SBNO1: variants seen among roughly 807,000 people sequenced by gnomAD.
SBNO1 encodes protein strawberry notch homolog 1.
A neutral mutation model predicts 173.6 loss-of-function variants in SBNO1; 23 were observed. The observed-to-expected ratio is 0.13, with a 90% CI of 0.10 to 0.19. SBNO1 has a LOEUF of 0.19. Ranked by LOEUF, SBNO1 falls within the 10% of genes least tolerant of loss-of-function variation. The pLI is 1.00. For synonymous variants in SBNO1, 632 were observed against 571.5 expected, an observed-to-expected ratio of 1.11 and a Z score of -1.51; for missense variants, 1,238 against 1,671.2, an observed-to-expected ratio of 0.74 and a Z score of 4.52.
intron 3 of SBNO1, 120 bp downstream of exon 3, chr12:123,347,909 C>T (rs1428916980): frequency 7.8e-6 from 4 of 515,280 alleles, no homozygotes. Context: ...TCAAGCAATC[C>T]TCCTACCTCA....
intron 7 of SBNO1, 101 bp from the exon 8 acceptor site, chr12:123,331,476 T>C (rs1871199846): frequency 9.4e-7 from 1 of 1,060,712 alleles, no homozygotes; most frequent in Admixed American, 2.6e-5. Flanking sequence ...ATGTTTTTTG[T>C]TTTGTATATG....
At chr12:123,356,447 T>C (rs9739171) in intron 1 of SBNO1, among the ~76,000 whole-genome samples, 6 of 152,008 alleles carry the variant, frequency 3.9e-5, no homozygotes, top group African/African-American at 1.4e-4. Flanking sequence ...GGTTTGTTTG[T>C]TCTTTTGCGA....
chr12:123,290,489 C>G lies in SBNO1; in HGVS notation c.*5419G>C, dbSNP rs1034317598. On this transcript the variant is annotated 3_prime_UTR_variant, in exon 32 of 32. Coordinates refer to ENST00000602398, the MANE Select transcript of SBNO1 (RefSeq NM_001167856.3). ...GCTCAACACCATCATTTTGATGAAC[C>G]ATCCGGGTCTTCCCAACTCGAATTA... The G allele has an allele frequency of 6.6e-6, 1 of 152,130 alleles. No individual in the cohort carries two copies. Among genetic ancestry groups the G allele is most frequent in the Non-Finnish European group, 1.5e-5 (1 of 68,030 alleles). The allele number at this position is 152,130 out of a possible 1,614,324, so 9.4% of individuals were successfully genotyped here. A position where few individuals can be genotyped will look rare whatever the true frequency, so the allele number is the denominator to read the frequency against.
intron 1 of SBNO1, 109 bp downstream of exon 1, chr12:123,364,592 A>C (rs1875904953): frequency 2.0e-6 from 2 of 982,314 alleles, no homozygotes; most frequent in Non-Finnish European, 2.4e-6. Context: ...AGCCGGGGCG[A>C]GGTGGCTGTC....
intron 5 of SBNO1, among the ~76,000 whole-genome samples, chr12:123,339,171 C>G (rs1872243204): frequency 6.6e-6 from 1 of 152,130 alleles, no homozygotes; most frequent in Non-Finnish European, 1.5e-5. Flanking sequence ...GGTTCCCATT[C>G]AAAACCTCAG....
At chr12:123,321,346 T>C (rs1869954724) in intron 17 of SBNO1, among the ~76,000 whole-genome samples, 189 bp downstream of exon 17, 1 of 152,186 alleles carries the variant, frequency 6.6e-6, no homozygotes, top group Admixed American at 6.6e-5. Flanking sequence ...CTGCACAAAA[T>C]TGAGGTTATC....
At chr12:123,304,869 T>A in intron 28 of SBNO1, 150 bp from the exon 29 acceptor site, 1 of 604,522 alleles carries the variant, frequency 1.7e-6, no homozygotes, top group Non-Finnish European at 2.9e-6. Context: ...AATGCTTGTT[T>A]AAAAGACTAA....
intron 7 of SBNO1, 67 bp downstream of exon 7, chr12:123,333,986 A>T: frequency 9.5e-7 from 1 of 1,054,270 alleles, no homozygotes; most frequent in Non-Finnish European, 1.3e-6. Flanking sequence ...TTACCTTTAG[A>T]TTGAAACAAC....
chr12:123,319,381 TA>T (rs943761691), intron 20 of SBNO1, among the ~76,000 whole-genome samples: 1 of 152,162 alleles, frequency 6.6e-6, no homozygotes, highest in Non-Finnish European at 1.5e-5. Context: ...GATAAAATAA[TA>T]AAAACATGCA....
rs1023189398 is a variant in SBNO1, at chr12:123,363,879, C to G, written c.-1+822G>C. 20 of 985,504 alleles carry G rather than the reference C, an allele frequency of 2.0e-5. No homozygotes were observed. The African/African-American group carries it at 3.1e-4, about 15-fold the overall frequency. 61.0% of individuals were successfully genotyped at this position (985,504 alleles called of 1,614,324 possible). On this transcript the variant is annotated intron_variant, in intron 1 of 31. Transcript: ENST00000602398. Reference sequence around the variant, plus strand: ...CTGGATGCCAGGGTCAGGAAAGAAACAATCAGAAGGGTTTAGGAACATCCA... The same window carrying G: ...CTGGATGCCAGGGTCAGGAAAGAAAGAATCAGAAGGGTTTAGGAACATCCA...
In SBNO1 at chr12:123,309,519, A is replaced by G; in HGVS notation, c.3507T>C (p.Tyr1169=). ...ATAATTCTACGTGGCCAGAGGTTGA[A>G]TATCCTGGAGTCAGAAACTTTTTAA... ...SDVKKFLTPG[Y]STSGHVELYT... The change falls in exon 27 of 32, where the codon TAT becomes TAC. Residue 1169 remains tyrosine (Y), a synonymous_variant. Coordinates refer to ENST00000602398, the MANE Select transcript of SBNO1 (RefSeq NM_001167856.3). 1 of 1,614,034 alleles carries G rather than the reference A, an allele frequency of 6.2e-7. No homozygotes were observed. The highest frequency in any genetic ancestry group is 8.5e-7 in the Non-Finnish European group (1 of 1,179,876).
chr12:123,364,507 C>T (rs1412759379), intron 1 of SBNO1, 194 bp downstream of exon 1: 1 of 983,840 alleles, frequency 1.0e-6, no homozygotes, highest in South Asian at 4.7e-5. Flanking sequence ...ACAACGGAGC[C>T]GCCGTCGGGA....
At chr12:123,300,528 G>A (rs2048751729) in intron 30 of SBNO1, among the ~76,000 whole-genome samples, 1 of 152,034 alleles carries the variant, frequency 6.6e-6, no homozygotes, top group African/African-American at 2.4e-5. Flanking sequence ...GTGGTTGGCG[G>A]GTGCCTGTAG....
chr12:123,329,522 ACT>A (rs1167239694), intron 9 of SBNO1, among the ~76,000 whole-genome samples: 19 of 151,914 alleles, frequency 1.3e-4, no homozygotes, highest in Admixed American at 8.5e-4. Flanking sequence ...TATGCAAAAC[ACT>A]GTGATTAATT....
chr12:123,362,071 A>G (rs28555076), intron 1 of SBNO1, among the ~76,000 whole-genome samples: 148,291 of 151,852 alleles, frequency 0.98, 72,427 homozygotes, highest in East Asian at 1. Context: ...CCCAGGAGGC[A>G]GAGGAATGCA....
At position 123,364,809 on chromosome 12, in the gene SBNO1, C is replaced by A; in HGVS notation, c.-109G>T. 2 of 937,332 alleles carry A rather than the reference C, an allele frequency of 2.1e-6. No individual in the cohort carries two copies. The highest frequency in any genetic ancestry group is 5.0e-5 in the South Asian group (1 of 19,916). The allele number at this position is 937,332 out of a possible 1,614,324, so 58.1% of individuals were successfully genotyped here. A position where few individuals can be genotyped will look rare whatever the true frequency, so the allele number is the denominator to read the frequency against. On this transcript the variant is annotated 5_prime_UTR_variant, in exon 1 of 32. In the 5' UTR this introduces an upstream ATG that the reference lacks. Coordinates refer to ENST00000602398, the MANE Select transcript of SBNO1 (RefSeq NM_001167856.3). ...CGGTGGCGGCGGCAGCAGCGGCGTC[C>A]TGCTCTGCCTACCTCCCCGCCGCCA...
rs553365007 is a variant in SBNO1 at position 123,348,128 on chromosome 12, C to A, written c.138G>T (p.Val46=). 6.3e-7 allele frequency: 1 copy of A among 1,591,906 alleles called. No individual in the cohort carries two copies. Among genetic ancestry groups the A allele is most frequent in the African/African-American group, 1.4e-5 (1 of 73,812 alleles). Residue 46 remains valine, a synonymous_variant, in exon 3 of 32, where the codon GTG becomes GTT. Transcript: ENST00000602398. ...AACCTAGTTCTAATGCACTAAGTGG[C>A]ACTGACTGGAGAGAAAACAACATCA... The part of the protein sequence containing the change: ...PMPTPSVQQS[V]PLSALELGLE...
At chr12:123,363,516 T>C (rs998957907) in intron 1 of SBNO1, among the ~76,000 whole-genome samples, 2 of 152,184 alleles carry the variant, frequency 1.3e-5, no homozygotes, top group African/African-American at 2.4e-5. Flanking sequence ...GTCTAGAATA[T>C]ATGAAACATT....
intron 7 of SBNO1, among the ~76,000 whole-genome samples, chr12:123,332,189 C>T (rs1871298692): frequency 6.6e-6 from 1 of 152,168 alleles, no homozygotes; most frequent in Non-Finnish European, 1.5e-5. Flanking sequence ...ATATTATCTC[C>T]TGCTACTCTT....
Sources: gnomAD v4.1 joint callset for allele counts (sites outside exome capture counted in the v4.1 genomes callset) on GRCh38, gnomAD v4.1.1 for gene constraint, MANE v1.5 for transcripts, NCBI Gene and HGNC (gene_info 2026-07-23, HGNC 2026-07-21) for gene names.